The following TTC29 variants were observed in gnomAD, a reference collection of about 807,000 sequenced individuals.
The protein encoded by TTC29 is tetratricopeptide repeat domain 29, also known as tetratricopeptide repeat protein 29.
TTC29 carries 49 observed loss-of-function variants against 58.1 expected under a neutral mutation model. The ratio of observed to expected loss-of-function variants is 0.84; its 90% CI spans 0.67 to 1.07. TTC29 has a LOEUF of 1.07. TTC29 is among the 50% of genes least tolerant of loss of function. TTC29 has a pLI of 0.00. For synonymous variants in TTC29, 209 were observed against 196.8 expected (o/e 1.06, Z -0.52); for missense variants, 582 against 555.6 (o/e 1.05, Z -0.48).
intron 11 of TTC29, among the ~76,000 whole-genome samples, chr4:146,739,203 AG>A (rs1744937771): frequency 6.6e-6 from 1 of 152,234 alleles, no homozygotes; most frequent in Admixed American, 6.5e-5. Flanking sequence ...AATTGCAAAA[AG>A]GTGGACGTGT....
intron 8 of TTC29, among the ~76,000 whole-genome samples, chr4:146,848,248 C>T (rs772561413): frequency 2.6e-5 from 4 of 152,126 alleles, no homozygotes; most frequent in Non-Finnish European, 4.4e-5. Context: ...AAGCATTAAT[C>T]GAGTATACTT....
chr4:146,792,907 G>A (rs1373080124), intron 11 of TTC29, among the ~76,000 whole-genome samples: 7 of 152,158 alleles, frequency 4.6e-5, no homozygotes. Context: ...ACTTTGAGAG[G>A]TTTGAGATTT....
At chr4:146,715,214 A>G (rs1025547677) in intron 11 of TTC29, among the ~76,000 whole-genome samples, 3 of 152,254 alleles carry the variant, frequency 2.0e-5, no homozygotes, top group African/African-American at 7.2e-5. Context: ...TTCTCAAAAA[A>G]CTATAAAACT....
At chr4:146,865,937 G>C (rs986820615) in intron 8 of TTC29, among the ~76,000 whole-genome samples, 1 of 152,108 alleles carries the variant, frequency 6.6e-6, no homozygotes, top group African/African-American at 2.4e-5. Flanking sequence ...ATAAAACTAG[G>C]CATGTCTATG....
At chr4:146,835,007 T>G (rs193023630) in intron 8 of TTC29, among the ~76,000 whole-genome samples, 155 of 152,262 alleles carry the variant, frequency 1.0e-3, no homozygotes, top group African/African-American at 3.5e-3. Context: ...TTAAAAATTT[T>G]GGGGTATTTT....
At chr4:146,785,248 A>C in intron 11 of TTC29, among the ~76,000 whole-genome samples, 1 of 147,254 alleles carries the variant, frequency 6.8e-6, no homozygotes. Flanking sequence ...GCTGGAGTGC[A>C]ATGGCATGAT....
chr4:146,874,604 G>A, intron 7 of TTC29, 112 bp downstream of exon 7: 1 of 854,150 alleles, frequency 1.2e-6, no homozygotes, highest in Non-Finnish European at 1.8e-6. Flanking sequence ...ATTTGTCTTT[G>A]CATTTCATAG....
At chr4:146,813,095 A>T (rs1343569772) in intron 10 of TTC29, 1 of 152,230 alleles carries the variant, frequency 6.6e-6, no homozygotes, top group African/African-American at 2.4e-5. Flanking sequence ...GAATTATTAC[A>T]TTATAACATA....
chr4:146,814,602 T>C (rs947487264), intron 10 of TTC29, among the ~76,000 whole-genome samples: 114 of 152,034 alleles, frequency 7.5e-4, no homozygotes, highest in African/African-American at 2.7e-3. Context: ...GGCGCACGCC[T>C]GTAGTCCCAG....
chr4:146,909,355 C>G (rs1733747341), intron 4 of TTC29, 106 bp from the exon 5 acceptor site: 2 of 868,294 alleles, frequency 2.3e-6, no homozygotes, highest in Non-Finnish European at 3.5e-6. Flanking sequence ...GCCTTTTATC[C>G]CTCAGTGAAA....
intron 11 of TTC29, among the ~76,000 whole-genome samples, chr4:146,770,288 C>G (rs1049550228): frequency 8.6e-5 from 13 of 151,842 alleles, no homozygotes; most frequent in African/African-American, 3.1e-4. Context: ...TCTAGTAGAT[C>G]TGAGTGGGTC....
At chr4:146,898,035 G>A (rs998319551) in intron 6 of TTC29, among the ~76,000 whole-genome samples, 1 of 152,090 alleles carries the variant, frequency 6.6e-6, no homozygotes, top group Non-Finnish European at 1.5e-5. Flanking sequence ...AAGATGGGAT[G>A]GATACTGTAC....
chr4:146,798,886 C>CA (rs70958529), intron 11 of TTC29, among the ~76,000 whole-genome samples: 7,889 of 18,112 alleles, frequency 0.44, 2,194 homozygotes, highest in East Asian at 0.5. Context: ...GACTCCGTCT[C>CA]AAAAAAAAAA....
At chr4:146,824,827 T>C (rs994732909) in intron 9 of TTC29, among the ~76,000 whole-genome samples, 5 of 152,228 alleles carry the variant, frequency 3.3e-5, no homozygotes, top group African/African-American at 1.2e-4. Context: ...GGTTTAGTCT[T>C]GGTAAGGTGT....
chr4:146,756,841 T>G (rs1746488738), intron 11 of TTC29, among the ~76,000 whole-genome samples: 1 of 152,100 alleles, frequency 6.6e-6, no homozygotes, highest in South Asian at 2.1e-4. Context: ...TTCCAGAGCA[T>G]TTCACATTTC....
intron 9 of TTC29, among the ~76,000 whole-genome samples, chr4:146,825,548 C>T (rs1727731503): frequency 1.3e-5 from 2 of 152,178 alleles, no homozygotes; most frequent in South Asian, 2.1e-4. Flanking sequence ...AGAATAAGTG[C>T]CATGTGGCAC....
intron 11 of TTC29, among the ~76,000 whole-genome samples, chr4:146,788,819 G>A (rs994418825): frequency 6.6e-6 from 1 of 152,090 alleles, no homozygotes; most frequent in Admixed American, 6.6e-5. Context: ...TCTTGGGGAA[G>A]TAAAACTTAA....
At chr4:146,726,905 A>G (rs1406672334) in intron 11 of TTC29, among the ~76,000 whole-genome samples, 3 of 152,068 alleles carry the variant, frequency 2.0e-5, no homozygotes, top group African/African-American at 4.8e-5. Context: ...AAATTTTTGC[A>G]TAGATGATTC....
Position 146,909,214 on chromosome 4 carries a change from T to A in TTC29, c.212A>T (p.Asp71Val), listed in dbSNP as rs773906372. The A allele has an allele frequency of 6.2e-7, 1 of 1,613,448 alleles. No individual in the cohort carries two copies. The highest frequency in any genetic ancestry group is 8.5e-7 in the Non-Finnish European group (1 of 1,179,736). Residue 71 changes from aspartate to valine, a missense_variant, in exon 5 of 13, where the codon GAC becomes GTC. Physicochemically the swap from Asp to Val is radical, Grantham distance 152. Transcript: ENST00000325106. ...RNSYKKNICV[D>V]MLRDGYHKSF... ...CTTATGATAACCATCTCGCAGCATG[T>A]CCACACAGATATTCTTCTTGTAGGA... is the stretch of plus-strand genomic sequence containing the variant.
Sources: allele counts gnomAD v4.1 joint callset (sites outside exome capture counted in the v4.1 genomes callset), GRCh38; gene constraint gnomAD v4.1.1; transcripts MANE v1.5; gene names NCBI Gene and HGNC (gene_info 2026-07-23, HGNC 2026-07-21).